The following AGBL1 variants were observed in gnomAD, a reference collection of about 807,000 sequenced individuals.
The protein encoded by AGBL1 is cytosolic carboxypeptidase 4.
AGBL1 carries 130 observed loss-of-function variants against 118.9 expected under a neutral mutation model. That is an observed-to-expected ratio of 1.09 (90% CI 0.95 to 1.26). AGBL1 has a LOEUF of 1.26. Among genes scored for constraint, AGBL1 ranks in the 50% most tolerant of loss-of-function variants. AGBL1 has a pLI of 0.00. For synonymous variants in AGBL1, 555 were observed against 478.9 expected, an observed-to-expected ratio of 1.16 and a Z score of -2.08; for missense variants, 1,584 against 1,298.1, an observed-to-expected ratio of 1.22 and a Z score of -3.38.
chr15:86,884,658 C>T (rs2079944271), intron 22 of AGBL1, among the ~76,000 whole-genome samples: 1 of 152,022 alleles, frequency 6.6e-6, no homozygotes, highest in Admixed American at 6.6e-5. Context: ...CCAAAAATAC[C>T]AAAATCAGCC....
At chr15:86,992,810 T>A (rs1418043113) in intron 24 of AGBL1, among the ~76,000 whole-genome samples, 1 of 152,048 alleles carries the variant, frequency 6.6e-6, no homozygotes, top group African/African-American at 2.4e-5. Context: ...ACACAATGGC[T>A]ATCTGGTGCA....
intron 22 of AGBL1, among the ~76,000 whole-genome samples, chr15:86,706,612 A>G (rs1308289647): frequency 6.6e-6 from 1 of 152,156 alleles, no homozygotes; most frequent in Non-Finnish European, 1.5e-5. Context: ...TTTGTTTTAT[A>G]AGAAAAAGCT....
chr15:86,080,950 C>A (rs966876292), intron 1 of AGBL1, among the ~76,000 whole-genome samples: 2 of 152,082 alleles, frequency 1.3e-5, no homozygotes, highest in African/African-American at 4.8e-5. Context: ...GGGGGGGGTC[C>A]ATGACCCCAT....
intron 5 of AGBL1, among the ~76,000 whole-genome samples, chr15:86,193,944 G>A (rs1290790661): frequency 1.3e-5 from 2 of 152,144 alleles, no homozygotes; most frequent in African/African-American, 4.8e-5. Flanking sequence ...AGTATAACCG[G>A]GGTCAGTTTC....
intron 4 of AGBL1, among the ~76,000 whole-genome samples, chr15:86,155,035 G>A (rs1384804686): frequency 6.6e-6 from 1 of 152,032 alleles, no homozygotes; most frequent in Non-Finnish European, 1.5e-5. Context: ...CTTCTCAACA[G>A]GGTCCTCCAG....
chr15:86,390,195 G>C (rs1053367836), intron 17 of AGBL1, among the ~76,000 whole-genome samples: 1 of 152,112 alleles, frequency 6.6e-6, no homozygotes, highest in Non-Finnish European at 1.5e-5. Flanking sequence ...CAGTTAAGCA[G>C]GGAAATATAA....
intron 9 of AGBL1, 51 bp downstream of exon 9, chr15:86,258,082 C>T: frequency 6.4e-7 from 1 of 1,561,720 alleles, no homozygotes; most frequent in Non-Finnish European, 8.7e-7. Flanking sequence ...ACATCATGCA[C>T]AGAAAAATAT....
intron 21 of AGBL1, among the ~76,000 whole-genome samples, chr15:86,659,785 C>T (rs1596345179): frequency 6.6e-6 from 1 of 152,302 alleles, no homozygotes; most frequent in East Asian, 1.9e-4. Context: ...TTGAACTGAA[C>T]AAAGTCTGCT....
intron 7 of AGBL1, 41 bp from the exon 8 acceptor site, chr15:86,256,812 G>A (rs921889265): frequency 1.9e-6 from 3 of 1,603,434 alleles, no homozygotes; most frequent in South Asian, 2.2e-5. Flanking sequence ...AGGGGACTGT[G>A]CCCAGATGTT....
intron 19 of AGBL1, among the ~76,000 whole-genome samples, chr15:86,544,781 C>T (rs1462711992): frequency 2.0e-5 from 3 of 152,154 alleles, no homozygotes; most frequent in Non-Finnish European, 1.5e-5. Context: ...CAAACCATAT[C>T]AATGGCTAAG....
chr15:86,903,378 T>C (rs1396854356), intron 22 of AGBL1, among the ~76,000 whole-genome samples: 1 of 152,186 alleles, frequency 6.6e-6, no homozygotes. Context: ...TACCTTTTTT[T>C]CTGGGATGTT....
chr15:87,002,791 G>A (rs928862826), intron 24 of AGBL1, among the ~76,000 whole-genome samples: 3 of 152,232 alleles, frequency 2.0e-5, no homozygotes, highest in Admixed American at 6.5e-5. Context: ...TCTGTTATTG[G>A]TGTATAAGAA....
chr15:86,870,119 A>G (rs1391851359), intron 22 of AGBL1, among the ~76,000 whole-genome samples: 3 of 152,202 alleles, frequency 2.0e-5, no homozygotes, highest in Admixed American at 1.3e-4. Context: ...GAAGAGATTC[A>G]TGTTTATAAT....
At chr15:87,021,056 A>C (rs960408888) in intron 24 of AGBL1, among the ~76,000 whole-genome samples, 1 of 152,190 alleles carries the variant, frequency 6.6e-6, no homozygotes, top group East Asian at 1.9e-4. Context: ...ATCCTAAGCA[A>C]AAAGAGCAAA....
At chr15:86,872,226 CAT>C in intron 22 of AGBL1, among the ~76,000 whole-genome samples, 1 of 152,306 alleles carries the variant, frequency 6.6e-6, no homozygotes, top group East Asian at 1.9e-4. Flanking sequence ...TGTGAATTCT[CAT>C]CAGGTCCCCT....
chr15:86,715,623 C>CT (rs1408097144), intron 22 of AGBL1, among the ~76,000 whole-genome samples: 1 of 152,028 alleles, frequency 6.6e-6, no homozygotes, highest in Admixed American at 6.6e-5. Flanking sequence ...AAGAAGATAG[C>CT]TTGGTGGATC....
chr15:86,345,020 A>C (rs1296285498), intron 17 of AGBL1, among the ~76,000 whole-genome samples: 1 of 152,134 alleles, frequency 6.6e-6, no homozygotes, highest in Non-Finnish European at 1.5e-5. Flanking sequence ...TGTTTAAAGC[A>C]TATTAATTGA....
intron 22 of AGBL1, among the ~76,000 whole-genome samples, chr15:86,825,906 TAGATAGATAGATAGATAG>T (rs1343994196): frequency 1.1e-5 from 1 of 94,950 alleles, no homozygotes; most frequent in Non-Finnish European, 2.2e-5. Flanking sequence ...GATAGATAGA[TAGATAGATAGATAGATAG>T]ATAGATAGAT....
At chr15:86,463,074 A>AT (rs1472893539) in intron 18 of AGBL1, among the ~76,000 whole-genome samples, 1 of 152,148 alleles carries the variant, frequency 6.6e-6, no homozygotes, top group Non-Finnish European at 1.5e-5. Context: ...AAGTGTTCCT[A>AT]TTTCTCCACA....
Sources: gnomAD v4.1 joint callset for allele counts (sites outside exome capture counted in the v4.1 genomes callset) on GRCh38, gnomAD v4.1.1 for gene constraint, MANE v1.5 for transcripts, NCBI Gene and HGNC (gene_info 2026-07-23, HGNC 2026-07-21) for gene names.